ASIP: variants seen among roughly 807,000 people sequenced by gnomAD.
The protein encoded by ASIP is agouti-signaling protein.
Under a neutral mutation model 10.3 loss-of-function variants are expected in ASIP, and 11 were observed. That is an observed-to-expected ratio of 1.07 (90% CI 0.68 to 1.78). The LOEUF (loss-of-function observed/expected upper bound fraction) is 1.78. ASIP is among the 40% of genes most tolerant of loss of function. The pLI, the probability that ASIP is intolerant of heterozygous loss-of-function variation, is 0.00. For missense variants in ASIP, 180 were observed against 169.2 expected (o/e 1.06, Z -0.35); for synonymous variants, 70 against 70.8 (o/e 0.99, Z 0.06).
intron 1 of ASIP, chr20:34,214,330 A>G: frequency 7.6e-7 from 1 of 1,317,406 alleles, no homozygotes; most frequent in South Asian, 1.2e-5. Context: ...ACTGTGAAAA[A>G]CTTTTCATAT....
intron 1 of ASIP, 91 bp from the exon 2 acceptor site, chr20:34,260,274 A>C (rs1277997457): frequency 2.3e-5 from 31 of 1,367,118 alleles, no homozygotes; most frequent in Non-Finnish European, 2.8e-5. Context: ...CAGGGTCACA[A>C]CACCAGCCCA....
chr20:34,255,566 T>G (rs1198327820), intron 1 of ASIP, among the ~76,000 whole-genome samples: 3 of 152,192 alleles, frequency 2.0e-5, no homozygotes, highest in Admixed American at 2.0e-4. Context: ...AAATAGATTA[T>G]AGATGTGATT....
chr20:34,237,158 G>A (rs2035221535), upstream of ASIP, among the ~76,000 whole-genome samples: 1 of 152,100 alleles, frequency 6.6e-6, no homozygotes, highest in Admixed American at 6.5e-5. Context: ...TTGAAATCAA[G>A]AAGTGTGAGT....
At chr20:34,232,690 A>C (rs2122581208) in intron 1 of ASIP, among the ~76,000 whole-genome samples, 1 of 152,344 alleles carries the variant, frequency 6.6e-6, no homozygotes, top group South Asian at 2.1e-4. Flanking sequence ...ATTTTGTATG[A>C]GTCAGCTTAA....
At chr20:34,199,809 G>A (rs1019066516) in intron 1 of ASIP, among the ~76,000 whole-genome samples, 2 of 152,100 alleles carry the variant, frequency 1.3e-5, no homozygotes, top group Admixed American at 6.5e-5. Flanking sequence ...CCTGATTCCT[G>A]TCTTTATTTT....
intron 1 of ASIP, among the ~76,000 whole-genome samples, chr20:34,243,770 A>C (rs557973311): frequency 7.9e-5 from 12 of 151,890 alleles, no homozygotes; most frequent in East Asian, 5.8e-4. Context: ...AAAAAAAAAA[A>C]AAAAAACTGT....
intron 1 of ASIP, among the ~76,000 whole-genome samples, chr20:34,201,032 C>CTTTCTTTCTT (rs2034893860): frequency 1.0e-5 from 1 of 97,012 alleles, no homozygotes; most frequent in African/African-American, 5.5e-5. Context: ...TTCTTTCTTT[C>CTTTCTTTCTT]TTTCTTTCTT....
At chr20:34,220,830 C>T (rs1347717728) in intron 1 of ASIP, among the ~76,000 whole-genome samples, 1 of 152,010 alleles carries the variant, frequency 6.6e-6, no homozygotes, top group Non-Finnish European at 1.5e-5. Flanking sequence ...TGATGTATTT[C>T]CTGAACAACT....
upstream of ASIP, among the ~76,000 whole-genome samples, chr20:34,241,065 G>A (rs982591093): frequency 2.0e-5 from 3 of 152,096 alleles, no homozygotes; most frequent in South Asian, 2.1e-4. Context: ...CTGCTTTGGC[G>A]ACCCTTAGAG....
chr20:34,214,242 T>G (rs929660943), intron 1 of ASIP: 6 of 1,392,896 alleles, frequency 4.3e-6, no homozygotes, highest in Non-Finnish European at 5.1e-6. Flanking sequence ...CATCTTGCTC[T>G]GAACTTTTGC....
In ASIP at chr20:34,269,235, C is replaced by T. The variant is rs1037154171; in HGVS notation, c.*68C>T. 11 of 1,425,884 alleles carry T rather than the reference C, an allele frequency of 7.7e-6. No individual in the cohort carries two copies. The highest frequency in any genetic ancestry group is 9.1e-6 in the Non-Finnish European group (10 of 1,094,568). 88.3% of individuals were successfully genotyped at this position (1,425,884 alleles called of 1,614,324 possible). A position where few individuals can be genotyped will look rare whatever the true frequency, so the allele number is the denominator to read the frequency against. On this transcript the variant is annotated 3_prime_UTR_variant, in exon 4 of 4. Transcript: ENST00000374954. ...GCGGGGCGCTTCTCGGGCGGGTGATCCCTAACAGGGCGGCTTCCCAGGGCT... is the reference window on the plus strand; with the variant it reads ...GCGGGGCGCTTCTCGGGCGGGTGATTCCTAACAGGGCGGCTTCCCAGGGCT...
At position 34,243,572 on chromosome 20, in the gene ASIP, A is replaced by G. The variant is rs182853706; in HGVS notation, c.-11+2083A>G. Among the ~76,000 whole-genome samples the G allele has an allele frequency of 2.2e-3, 334 of 152,232 alleles. 8 individuals are homozygous for G. Among genetic ancestry groups the G allele is most frequent in the Admixed American group, 0.022 (333 of 15,294 alleles). ...GCATTTGCTAAGAACTGTGGAGCAC[A>G]TGTTGATACAGGCACACAGACATCT... On this transcript the variant is annotated intron_variant, in intron 1 of 3. Transcript: ENST00000374954.
intron 1 of ASIP, among the ~76,000 whole-genome samples, chr20:34,221,946 C>A (rs547675190): frequency 5.3e-5 from 8 of 151,924 alleles, no homozygotes; most frequent in Non-Finnish European, 8.8e-5. Context: ...CTTGTCCCTA[C>A]AAATAATACA....
intron 1 of ASIP, among the ~76,000 whole-genome samples, chr20:34,201,938 C>CCAATG (rs2034902652): frequency 6.6e-6 from 1 of 152,130 alleles, no homozygotes. Context: ...TGCCAAACTT[C>CCAATG]CAATGGAATT....
chr20:34,245,540 A>G (rs1229654664), intron 1 of ASIP, among the ~76,000 whole-genome samples: 1 of 151,164 alleles, frequency 6.6e-6, no homozygotes, highest in Non-Finnish European at 1.5e-5. Context: ...GGTGTGCGCC[A>G]CCATGCCTGG....
intron 1 of ASIP, among the ~76,000 whole-genome samples, chr20:34,251,061 C>T (rs1257863718): frequency 6.6e-6 from 1 of 152,144 alleles, no homozygotes; most frequent in Non-Finnish European, 1.5e-5. Context: ...ACCAATTGCA[C>T]TGGACCTGTA....
chr20:34,199,063 A>G (rs1339623443), intron 1 of ASIP, among the ~76,000 whole-genome samples: 1 of 152,074 alleles, frequency 6.6e-6, no homozygotes. Flanking sequence ...GCTTAATATT[A>G]AGTTTGTGAG....
At chr20:34,261,725 C>T (rs1474348963) in intron 2 of ASIP, among the ~76,000 whole-genome samples, 7 of 152,078 alleles carry the variant, frequency 4.6e-5, no homozygotes, top group African/African-American at 1.7e-4. Context: ...TTGCTTGAGC[C>T]CAGGAGGTCG....
intron 1 of ASIP, among the ~76,000 whole-genome samples, chr20:34,197,593 C>A (rs1215193486): frequency 6.6e-6 from 1 of 152,124 alleles, no homozygotes; most frequent in Non-Finnish European, 1.5e-5. Context: ...AGTGGGTATC[C>A]GCTTATTTCA....
Sources: gnomAD v4.1 joint callset for allele counts (sites outside exome capture counted in the v4.1 genomes callset) on GRCh38, gnomAD v4.1.1 for gene constraint, MANE v1.5 for transcripts, NCBI Gene and HGNC (gene_info 2026-07-23, HGNC 2026-07-21) for gene names.